Variants in GCN1 observed in about 807,000 individuals in gnomAD.
GCN1 encodes the protein stalled ribosome sensor GCN1.
GCN1 carries 90 observed loss-of-function variants against 288.4 expected under a neutral mutation model. The ratio of observed to expected loss-of-function variants is 0.31; its 90% CI spans 0.26 to 0.37. The LOEUF (loss-of-function observed/expected upper bound fraction) is 0.37, where lower values mean the gene tolerates loss of function less well. Ranked by LOEUF, GCN1 falls within the 10% of genes least tolerant of loss-of-function variation. The pLI, the probability that GCN1 is intolerant of heterozygous loss-of-function variation, is 1.00. For missense variants in GCN1, 2,586 were observed against 3,419.9 expected (o/e 0.76, Z 6.08); for synonymous variants, 1,386 against 1,420.2 (o/e 0.98, Z 0.54).
chr12:120,168,129 C>A, intron 16 of GCN1, 79 bp downstream of exon 16: 1 of 906,670 alleles, frequency 1.1e-6, no homozygotes, highest in Non-Finnish European at 1.9e-6. Flanking sequence ...ACTGGTTGGT[C>A]AAGAAAGGGT....
chr12:120,149,896 T>C (rs1394042159), intron 35 of GCN1, 26 bp downstream of exon 35: 2 of 1,613,912 alleles, frequency 1.2e-6, no homozygotes, highest in Non-Finnish European at 1.7e-6. Context: ...TTCCATGCTG[T>C]TCTCCCGAGC....
intron 2 of GCN1, among the ~76,000 whole-genome samples, chr12:120,187,887 G>GAAAAAAAAAAAAAAAAAAAAAAAAA (rs537567748): frequency 1.0e-5 from 1 of 99,618 alleles, no homozygotes; most frequent in African/African-American, 3.8e-5. Flanking sequence ...CAAAAGAAAT[G>GAAAAAAAAAAAAAAAAAAAAAAAAA]AAAAAAAAAA....
intron 14 of GCN1, among the ~76,000 whole-genome samples, chr12:120,171,951 T>C (rs561847994): frequency 7.8e-4 from 119 of 152,360 alleles, no homozygotes; most frequent in South Asian, 7.3e-3. Flanking sequence ...GATCTTGAAC[T>C]CCTGGGCTCA....
chr12:120,154,810 AT>A (rs1426921376), intron 31 of GCN1, among the ~76,000 whole-genome samples, 159 bp downstream of exon 31: 5 of 152,180 alleles, frequency 3.3e-5, no homozygotes, highest in African/African-American at 4.8e-5. Context: ...ACACGGTCCA[AT>A]CCCACCCCTT....
chr12:120,167,394 A>G (rs1878168565), intron 16 of GCN1, among the ~76,000 whole-genome samples: 1 of 151,654 alleles, frequency 6.6e-6, no homozygotes, highest in African/African-American at 2.4e-5. Flanking sequence ...TTCATTATAT[A>G]CTGATATGGA....
intron 38 of GCN1, 97 bp from the exon 39 acceptor site, chr12:120,145,427 G>T (rs1268133312): frequency 3.3e-6 from 3 of 921,296 alleles, no homozygotes; most frequent in Non-Finnish European, 4.8e-6. Flanking sequence ...CTGCTGGCAA[G>T]GAGTGCTTGG....
In GCN1 at chr12:120,162,966, C is replaced by T. The variant is rs751888067; in HGVS notation, c.2044G>A (p.Val682Met). Reference protein sequence around the residue: ...IISHHPSLVAVQSGLWPALLA... With the variant: ...IISHHPSLVAMQSGLWPALLA... ...AGTGCTGGCCAAAGTCCAGACTGCA[C>T]GGCAACTGAAGGGGAAGGGAGCTCT... The change falls in exon 20 of 58, where the codon GTG becomes ATG. Residue 682 changes from valine (V) to methionine (M), a missense_variant. Around this residue, in one of 8 missense-constraint regions of GCN1, gnomAD observed 913 missense variants for 1,107.0 expected, o/e 0.82. Coordinates refer to ENST00000300648, the MANE Select transcript of GCN1 (RefSeq NM_006836.2). 1.9e-5 allele frequency: 31 copies of T among 1,614,088 alleles called. No homozygotes were observed. The highest frequency in any genetic ancestry group is 5.5e-5 in the South Asian group (5 of 91,092).
chr12:120,161,481 T>G lies in GCN1; in HGVS notation c.2436+9A>C. The G allele has an allele frequency of 6.3e-7, 1 of 1,597,234 alleles. No homozygotes were observed. The highest frequency in any genetic ancestry group is 8.6e-7 in the Non-Finnish European group (1 of 1,164,558). ...CAGCCACCTTCCGTAAGTGCCTCCG[T>G]GTACTCACCTCCTTCAGCTCCAGCT... On this transcript the variant is annotated intron_variant, in intron 22 of 57. Coordinates refer to ENST00000300648, the MANE Select transcript of GCN1 (RefSeq NM_006836.2).
In GCN1 at chr12:120,184,275, T is replaced by A. The variant is rs1013815219; in HGVS notation, c.186-32A>T. ...GGAGAGGCAAAGGAAAGGGTGAACATGCAGACCTCAGGCAGAGGCAGGGGC... is the reference window on the plus strand; with the variant it reads ...GGAGAGGCAAAGGAAAGGGTGAACAAGCAGACCTCAGGCAGAGGCAGGGGC... On this transcript the variant is annotated intron_variant, in intron 3 of 57. Transcript: ENST00000300648. 8.1e-6 allele frequency: 13 copies of A among 1,597,050 alleles called. No individual in the cohort carries two copies. The Admixed American group carries it at 2.2e-4, about 27-fold the overall frequency.
At position 120,156,789 on chromosome 12, in the gene GCN1, G is replaced by C. The variant is rs369635727; in HGVS notation, c.3168+123C>G. The C allele has an allele frequency of 1.1e-6, 1 of 925,194 alleles. No individual in the cohort carries two copies. 57.3% of individuals were successfully genotyped at this position (925,194 alleles called of 1,614,324 possible). On this transcript the variant is annotated intron_variant, in intron 27 of 57. Coordinates refer to ENST00000300648, the MANE Select transcript of GCN1 (RefSeq NM_006836.2). The surrounding 1 kb of genome is among the most constrained non-coding windows in gnomAD (Gnocchi z 5.8). Reference sequence around the variant, plus strand: ...ACAGTCAGGCTGGCTCTCTAAAGCAGTCTTTCTACCAAAGTCCAAAAGTAA... The same window carrying C: ...ACAGTCAGGCTGGCTCTCTAAAGCACTCTTTCTACCAAAGTCCAAAAGTAA...
At chr12:120,152,812 G>C (rs1046160824) in intron 33 of GCN1, among the ~76,000 whole-genome samples, 1 of 151,846 alleles carries the variant, frequency 6.6e-6, no homozygotes, top group African/African-American at 2.4e-5. Flanking sequence ...GCCAGAAAAA[G>C]GCTTGACATA....
At position 120,148,192 on chromosome 12, in the gene GCN1, G is replaced by A. The variant is rs529898136; in HGVS notation, c.4701C>T (p.Ser1567=). The change falls in exon 37 of 58, where the codon TCC becomes TCT. Residue 1567 remains serine (S), a synonymous_variant. Coordinates refer to ENST00000300648, the MANE Select transcript of GCN1 (RefSeq NM_006836.2). ...AGQQALRQIG[S]VIRNPEILAI... ...CCAGGATCTCCGGGTTCCTGATAAC[G>A]GAGCCGATCTGCCTGAGCGCCTGCT... is the stretch of plus-strand genomic sequence containing the variant. 26 of 1,613,544 alleles carry A rather than the reference G, an allele frequency of 1.6e-5. No individual in the cohort carries two copies. Among genetic ancestry groups the A allele is most frequent in the African/African-American group, 1.5e-4 (11 of 75,028 alleles).
At chr12:120,147,787 C>T (rs924415605) in intron 37 of GCN1, among the ~76,000 whole-genome samples, 1 of 152,160 alleles carries the variant, frequency 6.6e-6, no homozygotes, top group Non-Finnish European at 1.5e-5. Flanking sequence ...TAGCGATCGA[C>T]CTCTTCCCAG....
At chr12:120,148,396 G>A (rs1343742308) in intron 36 of GCN1, 50 bp from the exon 37 acceptor site, 2 of 1,477,476 alleles carry the variant, frequency 1.4e-6, no homozygotes, top group Admixed American at 1.8e-5. Context: ...GCAAAGGCCA[G>A]CAACTCACCT....
chr12:120,164,020 C>T (rs1016750321), intron 18 of GCN1, among the ~76,000 whole-genome samples: 3 of 152,126 alleles, frequency 2.0e-5, no homozygotes, highest in African/African-American at 7.2e-5. Flanking sequence ...ATAGTCCCAG[C>T]AACTTGGGAG....
intron 1 of GCN1, among the ~76,000 whole-genome samples, chr12:120,193,059 A>T (rs1404182834): frequency 6.8e-6 from 1 of 146,788 alleles, no homozygotes. Flanking sequence ...AAAATAATAA[A>T]AAATAATTTC....
At chr12:120,130,618 C>A (rs2139079020) in intron 56 of GCN1, 28 bp downstream of exon 56, 1 of 1,477,392 alleles carries the variant, frequency 6.8e-7, no homozygotes, top group Non-Finnish European at 9.5e-7. Context: ...GGTGTTAGGG[C>A]TTAAACACAT....
Position 120,134,329 on chromosome 12 carries a change from T to C in GCN1, c.7279A>G (p.Ile2427Val), listed in dbSNP as rs756962599. ...AGCATGCTCAGCAGGAGTGAGACGA[T>C]GTTTTTCCGGATGACGGCATCCACT... Reference protein sequence around the residue: ...AKVDAVIRKNIVSLLLSMLGH... With the variant: ...AKVDAVIRKNVVSLLLSMLGH... The change falls in exon 53 of 58, where the codon ATC becomes GTC. Residue 2427 changes from isoleucine to valine, a missense_variant. Physicochemically the swap from Ile to Val is conservative, Grantham distance 29. Around this residue, in one of 8 missense-constraint regions of GCN1, gnomAD observed 355 missense variants for 431.1 expected, o/e 0.82. Coordinates refer to ENST00000300648, the MANE Select transcript of GCN1 (RefSeq NM_006836.2). This position sits in a 1 kb window ranked among gnomAD's most constrained non-coding sequence, Gnocchi z 5.0. 4 of 1,614,070 alleles carry C rather than the reference T, an allele frequency of 2.5e-6. No individual in the cohort carries two copies. The highest frequency in any genetic ancestry group is 3.4e-6 in the Non-Finnish European group (4 of 1,179,966).
Position 120,164,598 on chromosome 12 carries a change from C to G in GCN1, c.1688+48G>C, listed in dbSNP as rs747489431. 1.7e-5 allele frequency: 27 copies of G among 1,599,584 alleles called. No individual in the cohort carries two copies. In the East Asian group the frequency reaches 3.3e-4, roughly 20 times the overall value. On this transcript the variant is annotated intron_variant, in intron 17 of 57. Transcript: ENST00000300648. ...ACACCCTTTCTCGGGTTCCTGCCAGCCTTTGCCTCATTTGGCCCAAAAGAA... is the reference window on the plus strand; with the variant it reads ...ACACCCTTTCTCGGGTTCCTGCCAGGCTTTGCCTCATTTGGCCCAAAAGAA...
Sources: allele counts gnomAD v4.1 joint callset (sites outside exome capture counted in the v4.1 genomes callset), GRCh38; gene constraint gnomAD v4.1.1; regional missense constraint gnomAD v4.1.1; non-coding constraint Gnocchi (gnomAD v3.1); transcripts MANE v1.5; gene names NCBI Gene and HGNC (gene_info 2026-07-23, HGNC 2026-07-21).